Variants in POTEF observed in about 807,000 individuals in gnomAD.
The protein encoded by POTEF is POTE ankyrin domain family member F, also known as ANKRD26-like family C member 1B.
In POTEF, 20 loss-of-function variants were observed where a neutral mutation model predicts 83.2. The ratio of observed to expected loss-of-function variants is 0.24; its 90% confidence interval spans 0.17 to 0.35. POTEF has a LOEUF of 0.35. Ranked by LOEUF, POTEF falls within the 10% of genes least tolerant of loss-of-function variation. The pLI is 1.00. For synonymous variants in POTEF, 196 were observed against 446.4 expected (o/e 0.44, Z 7.07); for missense variants, 550 against 1,203.2 (o/e 0.46, Z 8.03).
At position 130,108,078 on chromosome 2, in the gene POTEF, T is replaced by C. The variant is rs1317034006; in HGVS notation, c.1057A>G (p.Ile353Val). ...TTGTAGTCAGAAAGTAACTGGCAAATTCTATGTATAAAAATGTAATAAACC... is the reference window on the plus strand; with the variant it reads ...TTGTAGTCAGAAAGTAACTGGCAAACTCTATGTATAAAAATGTAATAAACC... ...EYAVSSHHHV[I>V]CQLLSDYKEK... The change falls in exon 8 of 17, where the codon ATT (isoleucine) becomes GTT (valine). Residue 353 changes from isoleucine (I) to valine (V), a missense_variant and splice_region_variant. By Grantham distance (29) the Ile-to-Val change is conservative (BLOSUM62 3). Transcript: ENST00000409914. 2.3e-5 allele frequency: 37 copies of C among 1,598,444 alleles called. No homozygotes were observed. Among genetic ancestry groups the C allele is most frequent in the Non-Finnish European group, 3.0e-5 (35 of 1,176,244 alleles).
At chr2:130,119,276 G>C (rs1684933459) in intron 3 of POTEF, among the ~76,000 whole-genome samples, 1 of 150,918 alleles carries the variant, frequency 6.6e-6, no homozygotes, top group Middle Eastern at 3.4e-3. Flanking sequence ...CCATTCTCCT[G>C]CCTCAGCCTC....
intron 3 of POTEF, among the ~76,000 whole-genome samples, chr2:130,117,257 T>C (rs1430403003): frequency 6.6e-6 from 1 of 151,814 alleles, no homozygotes; most frequent in African/African-American, 2.4e-5. Flanking sequence ...CAGGAACAGG[T>C]AAACACAATC....
intron 2 of POTEF, among the ~76,000 whole-genome samples, chr2:130,127,130 G>A (rs576078645): frequency 2.0e-5 from 3 of 151,606 alleles, no homozygotes; most frequent in South Asian, 2.1e-4. Flanking sequence ...GACCATCCTG[G>A]CTAACACTGT....
intron 8 of POTEF, among the ~76,000 whole-genome samples, chr2:130,103,767 G>T (rs565545013): frequency 4.8e-5 from 7 of 145,486 alleles, no homozygotes; most frequent in African/African-American, 1.3e-4. Flanking sequence ...GATTAAAAGG[G>T]GTAGAGGGCA....
chr2:130,128,531 G>A (rs1242361091), intron 1 of POTEF, among the ~76,000 whole-genome samples: 2 of 119,620 alleles, frequency 1.7e-5, no homozygotes, highest in African/African-American at 6.1e-5. Flanking sequence ...GCCAGTTGCA[G>A]GCAGTGTAAC....
chr2:130,117,646 T>C (rs890960328), intron 3 of POTEF, among the ~76,000 whole-genome samples: 2 of 151,990 alleles, frequency 1.3e-5, no homozygotes, highest in African/African-American at 4.8e-5. Context: ...AATAGTTACA[T>C]ATTAGTCCAT....
intron 6 of POTEF, among the ~76,000 whole-genome samples, chr2:130,111,272 A>C (rs1179317223): frequency 6.6e-6 from 1 of 150,660 alleles, no homozygotes; most frequent in Admixed American, 6.6e-5. Context: ...TCACACACCT[A>C]GCAAGTAAGA....
chr2:130,107,364 A>AT (rs1684568625), intron 8 of POTEF, among the ~76,000 whole-genome samples: 1 of 151,040 alleles, frequency 6.6e-6, no homozygotes, highest in Non-Finnish European at 1.5e-5. Flanking sequence ...TGGGACAAGC[A>AT]TATGTAACAT....
At chr2:130,111,207 T>G (rs1352721642) in intron 6 of POTEF, among the ~76,000 whole-genome samples, 9 of 150,862 alleles carry the variant, frequency 6.0e-5, no homozygotes, top group Admixed American at 3.9e-4. Context: ...GAAGGATATA[T>G]TCTCCTACTT....
chr2:130,100,764 T>C (rs1328144015), intron 9 of POTEF, 44 bp from the exon 10 acceptor site: 1 of 1,605,078 alleles, frequency 6.2e-7, no homozygotes, highest in South Asian at 1.1e-5. Context: ...GTTGTGTTTC[T>C]GTGATGTGTC....
In POTEF at chr2:130,101,106, C is replaced by T. The variant is rs1368802152; in HGVS notation, c.1198-386G>A. On this transcript the variant is annotated intron_variant, in intron 9 of 16. Transcript: ENST00000409914. The stretch of plus-strand genomic sequence containing the variant: ...ATGATTTGTAGTGTTGCAAAACCTT[C>T]CTCACTTGAAAAGAGTTTACCTCAT... Among the ~76,000 whole-genome samples the T allele has an allele frequency of 3.4e-5, 4 of 118,026 alleles. No homozygotes were observed. In the East Asian group the frequency reaches 9.1e-4, roughly 27 times the overall value. The allele number at this position is 118,026 out of a possible 152,430, so 77.4% of individuals were successfully genotyped here.
chr2:130,116,305 C>A (rs1271308055), intron 3 of POTEF, among the ~76,000 whole-genome samples: 1 of 150,922 alleles, frequency 6.6e-6, no homozygotes, highest in East Asian at 1.9e-4. Flanking sequence ...TATAAATTTT[C>A]TCCTTTTAAA....
intron 2 of POTEF, chr2:130,120,809 C>T (rs1479462128): frequency 1.9e-6 from 1 of 532,380 alleles, no homozygotes. Context: ...AATGCCAAAC[C>T]CAGCAGAGAA....
At chr2:130,120,924 G>A (rs1310224898) in intron 2 of POTEF, 1 of 300,156 alleles carries the variant, frequency 3.3e-6, no homozygotes, top group African/African-American at 2.3e-5. Flanking sequence ...GCAAAGCCAA[G>A]CCAAGCCGCT....
chr2:130,080,143 TGC>T (rs1430276911), intron 15 of POTEF, among the ~76,000 whole-genome samples: 1 of 5,322 alleles, frequency 1.9e-4, no homozygotes, highest in African/African-American at 6.1e-4. Context: ...GCCAAACTAT[TGC>T]GGGGGGGGGG....
chr2:130,127,317 T>A (rs1186999440), intron 2 of POTEF, among the ~76,000 whole-genome samples: 1 of 89,676 alleles, frequency 1.1e-5, no homozygotes, highest in Non-Finnish European at 1.9e-5. Flanking sequence ...AGAGCGAGAC[T>A]CTGTCTCAAA....
At chr2:130,117,464 A>G (rs1270098516) in intron 3 of POTEF, among the ~76,000 whole-genome samples, 2 of 151,980 alleles carry the variant, frequency 1.3e-5, no homozygotes, top group Admixed American at 6.5e-5. Context: ...AGAGAAAGGG[A>G]AAAACTTCAC....
At chr2:130,122,694 C>G (rs974456683) in intron 2 of POTEF, among the ~76,000 whole-genome samples, 1 of 151,362 alleles carries the variant, frequency 6.6e-6, no homozygotes, top group African/African-American at 2.5e-5. Flanking sequence ...TTGTCACTTT[C>G]AATTTCTTTC....
Position 130,075,307 on chromosome 2 carries a change from GC to G in POTEF, c.2164del (p.Ala722ArgfsTer22). On this transcript the variant is annotated frameshift_variant, in exon 17 of 17. Coordinates refer to ENST00000409914, the MANE Select transcript of POTEF (RefSeq NM_001099771.2). LOFTEE classifies it high-confidence loss of function. ...NGSGMCKAGF[A>X]GDDAPRAVFP... is the part of the protein sequence containing the mutation. ...GACAGCCCGGGGGGCATCGTCGCCC[GC>G]AAAGCCGGCCTTGCACATGCCAGAG... is the stretch of plus-strand genomic sequence containing the variant. 6.2e-7 allele frequency: 1 copy of G among 1,612,636 alleles called. No homozygotes were observed. Among genetic ancestry groups the G allele is most frequent in the East Asian group, 2.2e-5 (1 of 44,860 alleles).
Sources: allele counts gnomAD v4.1 joint callset (sites outside exome capture counted in the v4.1 genomes callset), GRCh38; gene constraint gnomAD v4.1.1; transcripts MANE v1.5; gene names NCBI Gene and HGNC (gene_info 2026-07-23, HGNC 2026-07-21).